Variants in NFIB observed in about 807,000 individuals in gnomAD.
The protein encoded by NFIB is nuclear factor 1 B-type.
NFIB carries 11 observed loss-of-function variants against 61.5 expected under a neutral mutation model. That is an observed-to-expected ratio of 0.18 (90% CI 0.11 to 0.30). NFIB has a LOEUF of 0.30. NFIB is among the 10% of genes least tolerant of loss of function. The pLI, the probability that NFIB is intolerant of heterozygous loss-of-function variation, is 1.00. For synonymous variants in NFIB, 260 were observed against 216.5 expected (o/e 1.20, Z -1.76); for missense variants, 471 against 608.9 (o/e 0.77, Z 2.38).
intron 2 of NFIB, among the ~76,000 whole-genome samples, chr9:14,296,601 C>T (rs2059457741): frequency 6.6e-6 from 1 of 152,214 alleles, no homozygotes; most frequent in African/African-American, 2.4e-5. Context: ...AGAGAGCTCT[C>T]ACTCTTTTGC....
chr9:14,116,276 T>C lies in NFIB; in HGVS notation c.1316A>G (p.His439Arg), dbSNP rs377077381. 60 of 1,538,292 alleles carry C rather than the reference T, an allele frequency of 3.9e-5. No homozygotes were observed. The East Asian group carries it at 1.1e-3, about 29-fold the overall frequency. The part of the protein sequence containing the change: ...HFTPVLAPSP[H>R]PSAVRPVTLS... ...GGTCACAGGTCGCACTGCACTGGGA[T>C]GGGGAGAGGGTGCCAAGACAGGAGT... is the stretch of plus-strand genomic sequence containing the variant. Residue 439 changes from histidine (H) to arginine (R), a missense_variant, in exon 9 of 11, where the codon CAT becomes CGT. By Grantham distance (29) the His-to-Arg change is conservative. This residue lies in a region of NFIB where 372 missense variants were observed against 395.6 expected (regional missense o/e 0.94). Coordinates refer to ENST00000380953, the MANE Select transcript of NFIB (RefSeq NM_001190737.2).
At chr9:14,243,249 C>CTA (rs1456335703) in intron 2 of NFIB, among the ~76,000 whole-genome samples, 7 of 152,092 alleles carry the variant, frequency 4.6e-5, no homozygotes, top group African/African-American at 1.7e-4. Context: ...TGTTTTACTT[C>CTA]TAGCATATGA....
the NFIB span, among the ~76,000 whole-genome samples, chr9:14,475,143 C>G: frequency 1.3e-5 from 2 of 152,214 alleles, no homozygotes; most frequent in African/African-American, 4.8e-5. Flanking sequence ...TGCCCAACAG[C>G]TAATTTAATC....
chr9:14,515,224 T>C, the NFIB span, among the ~76,000 whole-genome samples: 1 of 151,818 alleles, frequency 6.6e-6, no homozygotes, highest in Non-Finnish European at 1.5e-5. Context: ...CATTGGGGCA[T>C]AGGGAAGACC....
chr9:14,342,797 A>G (rs915741755), intron 1 of NFIB, among the ~76,000 whole-genome samples: 2 of 152,170 alleles, frequency 1.3e-5, no homozygotes, highest in East Asian at 1.9e-4. Flanking sequence ...ATGCATGTGC[A>G]TATGTGTGTT....
At chr9:14,110,733 A>G (rs1233109781) in intron 10 of NFIB, among the ~76,000 whole-genome samples, 1 of 152,070 alleles carries the variant, frequency 6.6e-6, no homozygotes, top group Non-Finnish European at 1.5e-5. Flanking sequence ...CATTTCTATA[A>G]TTCTTTTAAA....
intron 2 of NFIB, among the ~76,000 whole-genome samples, chr9:14,257,052 C>A (rs1258622595): frequency 6.6e-6 from 1 of 152,150 alleles, no homozygotes; most frequent in African/African-American, 2.4e-5. Context: ...ATGGATTAGG[C>A]AGTATTGCCT....
the NFIB span, among the ~76,000 whole-genome samples, chr9:14,479,231 C>A: frequency 6.6e-6 from 1 of 152,142 alleles, no homozygotes; most frequent in South Asian, 2.1e-4. Flanking sequence ...AGAAAAGCAC[C>A]CTTGTGGGGG....
At chr9:14,189,730 G>T (rs948695065) in intron 2 of NFIB, among the ~76,000 whole-genome samples, 2 of 150,150 alleles carry the variant, frequency 1.3e-5, no homozygotes, top group Admixed American at 1.3e-4. Context: ...CAAGAAACAT[G>T]TTAGTCTTAT....
chr9:14,168,431 G>A (rs937541615), intron 3 of NFIB, among the ~76,000 whole-genome samples: 5 of 152,184 alleles, frequency 3.3e-5, no homozygotes, highest in Admixed American at 3.3e-4. Context: ...GAGGTGACAA[G>A]GGAGTACAAG....
chr9:14,512,784 T>C, the NFIB span, among the ~76,000 whole-genome samples: 1 of 152,130 alleles, frequency 6.6e-6, no homozygotes, highest in Non-Finnish European at 1.5e-5. Context: ...ACCTCCCGTC[T>C]TTCTTTTCTC....
the NFIB span, among the ~76,000 whole-genome samples, chr9:14,431,023 T>C: frequency 6.6e-6 from 1 of 152,358 alleles, no homozygotes; most frequent in South Asian, 2.1e-4. Flanking sequence ...GCCTTTGAGA[T>C]ATTTCTCAAA....
the NFIB span, among the ~76,000 whole-genome samples, chr9:14,408,368 G>C: frequency 6.6e-6 from 1 of 152,110 alleles, no homozygotes; most frequent in African/African-American, 2.4e-5. Flanking sequence ...TCAACTATGA[G>C]TAGTTCTTTT....
At chr9:14,194,697 T>C (rs1326586643) in intron 2 of NFIB, among the ~76,000 whole-genome samples, 2 of 152,080 alleles carry the variant, frequency 1.3e-5, no homozygotes, top group African/African-American at 4.8e-5. Flanking sequence ...TGAGATACAT[T>C]ATACTAAGCA....
intron 1 of NFIB, among the ~76,000 whole-genome samples, chr9:14,310,741 T>C (rs1169389689): frequency 6.6e-6 from 1 of 152,198 alleles, no homozygotes; most frequent in Non-Finnish European, 1.5e-5. Flanking sequence ...TGATGTTCAG[T>C]AATTCTCTTT....
chr9:14,519,037 T>A, the NFIB span, among the ~76,000 whole-genome samples: 1 of 152,182 alleles, frequency 6.6e-6, no homozygotes, highest in Non-Finnish European at 1.5e-5. Context: ...TTTGGACCCA[T>A]TGCACTTATC....
At chr9:14,145,232 C>A (rs575562760) in intron 6 of NFIB, among the ~76,000 whole-genome samples, 1 of 152,078 alleles carries the variant, frequency 6.6e-6, no homozygotes, top group Admixed American at 6.6e-5. Flanking sequence ...CTGTGTCCAG[C>A]CACATGGCAC....
intron 2 of NFIB, among the ~76,000 whole-genome samples, chr9:14,279,910 C>T (rs2058257071): frequency 6.6e-6 from 1 of 152,198 alleles, no homozygotes; most frequent in Non-Finnish European, 1.5e-5. Flanking sequence ...TCCCTCACAT[C>T]TTTCGTGCTT....
At chr9:14,271,835 T>C (rs2057647957) in intron 2 of NFIB, among the ~76,000 whole-genome samples, 2 of 152,224 alleles carry the variant, frequency 1.3e-5, no homozygotes, top group South Asian at 4.1e-4. Context: ...ACAATGAACG[T>C]GACCCTGTGT....
Sources: gnomAD v4.1 joint callset for allele counts (sites outside exome capture counted in the v4.1 genomes callset) on GRCh38, gnomAD v4.1.1 for gene constraint, gnomAD v4.1.1 regional missense constraint, MANE v1.5 for transcripts, NCBI Gene and HGNC (gene_info 2026-07-23, HGNC 2026-07-21) for gene names.